ACTG2: variants seen among roughly 807,000 people sequenced by gnomAD.
ACTG2 encodes actin, gamma-enteric smooth muscle.
In ACTG2, 16 loss-of-function variants were observed where a neutral mutation model predicts 37.6. That is an observed-to-expected ratio of 0.43 (90% CI 0.29 to 0.65). ACTG2 has a LOEUF of 0.65. Among genes scored for constraint, ACTG2 ranks in the 30% least tolerant of loss-of-function variants. The probability of loss-of-function intolerance (pLI) is 0.18; values close to 1 mark genes in which losing one functional copy is unlikely to be tolerated. For missense variants in ACTG2, 238 were observed against 490.9 expected, an observed-to-expected ratio of 0.48 and a Z score of 4.87; for synonymous variants, 181 against 179.9, an observed-to-expected ratio of 1.01 and a Z score of -0.05.
intron 8 of ACTG2, among the ~76,000 whole-genome samples, chr2:73,916,997 G>T (rs1680285148): frequency 6.6e-6 from 1 of 152,110 alleles, no homozygotes; most frequent in South Asian, 2.1e-4. Flanking sequence ...CACATGAGAA[G>T]AGGCTGAAAG....
At chr2:73,911,052 A>G (rs1680123661) in intron 5 of ACTG2, among the ~76,000 whole-genome samples, 1 of 152,190 alleles carries the variant, frequency 6.6e-6, no homozygotes, top group African/African-American at 2.4e-5. Context: ...GAAGGTCTTC[A>G]GGGTTAATAA....
intron 3 of ACTG2, among the ~76,000 whole-genome samples, chr2:73,907,376 T>C (rs1680038415): frequency 6.6e-6 from 1 of 152,200 alleles, no homozygotes; most frequent in South Asian, 2.1e-4. Context: ...AAGCCCCATG[T>C]CCCTGCTACA....
intron 2 of ACTG2, chr2:73,901,778 G>A (rs1653257): frequency 0.81 from 231,622 of 286,844 alleles, 94,215 homozygotes; most frequent in Admixed American, 0.85. Flanking sequence ...GTTTGGAAAA[G>A]TTAATTTATA....
At chr2:73,902,814 A>G (rs1679921370) in intron 3 of ACTG2, 4 of 1,517,398 alleles carry the variant, frequency 2.6e-6, no homozygotes, top group Non-Finnish European at 2.7e-6. Flanking sequence ...GTAGCTCTTC[A>G]TTAACCAACA....
intron 6 of ACTG2, among the ~76,000 whole-genome samples, chr2:73,913,938 G>T (rs1369522834): frequency 6.6e-6 from 1 of 152,136 alleles, no homozygotes; most frequent in Admixed American, 6.6e-5. Flanking sequence ...TTACCTAGGG[G>T]CACCTTTGGT....
At chr2:73,905,277 C>A (rs1679993060) in intron 3 of ACTG2, among the ~76,000 whole-genome samples, 1 of 152,042 alleles carries the variant, frequency 6.6e-6, no homozygotes, top group Non-Finnish European at 1.5e-5. Flanking sequence ...TTAATGTGAG[C>A]ATTTAATCAA....
chr2:73,904,187 T>A (rs1160016162), intron 3 of ACTG2, among the ~76,000 whole-genome samples: 2 of 131,026 alleles, frequency 1.5e-5, no homozygotes, highest in Admixed American at 1.9e-4. Flanking sequence ...TGGTGGAGGC[T>A]GCAGTGAGCT....
intron 5 of ACTG2, among the ~76,000 whole-genome samples, chr2:73,909,643 T>C (rs1387839480): frequency 6.6e-6 from 1 of 152,204 alleles, no homozygotes; most frequent in Non-Finnish European, 1.5e-5. Flanking sequence ...GTATAGCATT[T>C]AACTATAATT....
chr2:73,903,561 G>A (rs148666226), intron 3 of ACTG2, among the ~76,000 whole-genome samples: 1 of 152,336 alleles, frequency 6.6e-6, no homozygotes, highest in Non-Finnish European at 1.5e-5. Context: ...TTAGCTAAAT[G>A]CTTAGTATAA....
chr2:73,904,779 A>G (rs1721246), intron 3 of ACTG2, among the ~76,000 whole-genome samples: 1,141 of 12,832 alleles, frequency 0.089, 6 homozygotes, highest in South Asian at 0.097. Context: ...GTGTGTGTGT[A>G]TATATATATA....
At chr2:73,900,365 C>T (rs1188780745) in intron 1 of ACTG2, among the ~76,000 whole-genome samples, 1 of 151,872 alleles carries the variant, frequency 6.6e-6, no homozygotes, top group Non-Finnish European at 1.5e-5. Flanking sequence ...CTGTTTGTAA[C>T]TCAAAAGAAA....
intron 5 of ACTG2, among the ~76,000 whole-genome samples, chr2:73,909,913 T>G (rs1680093579): frequency 6.6e-6 from 1 of 152,146 alleles, no homozygotes; most frequent in South Asian, 2.1e-4. Context: ...CTGTACTACA[T>G]TTATAAAAAT....
At chr2:73,910,772 C>T (rs1310550747) in intron 5 of ACTG2, among the ~76,000 whole-genome samples, 3 of 152,122 alleles carry the variant, frequency 2.0e-5, no homozygotes, top group African/African-American at 7.2e-5. Context: ...TCATGTTGGC[C>T]AGGCTGGTCT....
At chr2:73,904,964 C>T in intron 3 of ACTG2, among the ~76,000 whole-genome samples, 1 of 149,916 alleles carries the variant, frequency 6.7e-6, no homozygotes, top group East Asian at 2.0e-4. Context: ...ATTATGAGAA[C>T]AAAATGAATT....
At chr2:73,906,411 A>T (rs1183088424) in intron 3 of ACTG2, among the ~76,000 whole-genome samples, 1 of 152,098 alleles carries the variant, frequency 6.6e-6, no homozygotes, top group African/African-American at 2.4e-5. Flanking sequence ...AGATGGCGCC[A>T]CTGTACTCCA....
chr2:73,916,500 A>G (rs929158043), intron 7 of ACTG2, 84 bp from the exon 8 acceptor site: 5 of 1,296,412 alleles, frequency 3.9e-6, no homozygotes, highest in African/African-American at 1.5e-5. Flanking sequence ...AGTTGCAACA[A>G]TCGAAGAAGG....
chr2:73,909,170 G>C, intron 5 of ACTG2, 31 bp downstream of exon 5: 3 of 1,580,962 alleles, frequency 1.9e-6, no homozygotes, highest in Non-Finnish European at 2.6e-6. Flanking sequence ...TTCCTTTTCT[G>C]ACTTCAGGGG....
At chr2:73,901,531 A>AAT (rs1679873770) in intron 2 of ACTG2, 94 bp downstream of exon 2, 10 of 1,202,126 alleles carry the variant, frequency 8.3e-6, no homozygotes, top group Non-Finnish European at 6.6e-6. Flanking sequence ...AGGGGAAGGA[A>AAT]ATGTGTGTGT....
chr2:73,914,107 A>C (rs1680201084), intron 6 of ACTG2, among the ~76,000 whole-genome samples: 1 of 152,198 alleles, frequency 6.6e-6, no homozygotes, highest in Non-Finnish European at 1.5e-5. Context: ...AGCCCCCAGG[A>C]AGGCCTAAGG....
Sources: gnomAD v4.1 joint callset for allele counts (sites outside exome capture counted in the v4.1 genomes callset) on GRCh38, gnomAD v4.1.1 for gene constraint, MANE v1.5 for transcripts, NCBI Gene and HGNC (gene_info 2026-07-23, HGNC 2026-07-21) for gene names.